Variants in NHS observed in about 807,000 individuals in gnomAD.
The protein encoded by NHS is actin remodeling regulator NHS.
In NHS, 5 loss-of-function variants were observed where a neutral mutation model predicts 72.5. The ratio of observed to expected loss-of-function variants is 0.07; its 90% confidence interval spans 0.04 to 0.14. The LOEUF (loss-of-function observed/expected upper bound fraction) is 0.14, where lower values mean the gene tolerates loss of function less well. Among genes scored for constraint, NHS ranks in the 10% least tolerant of loss-of-function variants. NHS has a pLI of 1.00. For missense variants in NHS, 1,072 were observed against 1,355.7 expected (o/e 0.79, Z 3.29); for synonymous variants, 464 against 547.7 (o/e 0.85, Z 2.13).
At chrX:17,573,187 C>T (rs886770694) in intron 1 of NHS, among the ~76,000 whole-genome samples, 2 of 111,166 alleles carry the variant, frequency 1.8e-5, no homozygotes, top group African/African-American at 3.3e-5. Flanking sequence ...GTGTCTTTGT[C>T]GTGTTCTCTG....
intron 1 of NHS, among the ~76,000 whole-genome samples, chrX:17,558,213 C>T (rs996219607): frequency 3.6e-5 from 4 of 111,728 alleles, no homozygotes; most frequent in East Asian, 2.8e-4. Context: ...TGATTCCTGG[C>T]GTTACAAACT....
At chrX:17,486,626 T>C (rs1017281839) in intron 1 of NHS, among the ~76,000 whole-genome samples, 1 of 111,654 alleles carries the variant, frequency 9.0e-6, no homozygotes. Context: ...CCACATCGTA[T>C]TTGCCAGCAT....
chrX:17,650,668 C>G (rs762689772), intron 1 of NHS, among the ~76,000 whole-genome samples: 1 of 112,129 alleles, frequency 8.9e-6, no homozygotes, highest in Non-Finnish European at 1.9e-5. Context: ...TTGTCTGAGG[C>G]ATAAAGTTAA....
chrX:17,376,080 A>C lies in NHS; in HGVS notation c.323A>C (p.Glu108Ala), dbSNP rs2064345091. The C allele has an allele frequency of 9.4e-7, 1 of 1,067,017 alleles. No homozygotes were observed. Among genetic ancestry groups the C allele is most frequent in the Non-Finnish European group, 1.2e-6 (1 of 834,132 alleles). 87.9% of individuals were successfully genotyped at this position (1,067,017 alleles called of 1,213,427 possible). The stretch of plus-strand genomic sequence containing the variant: ...CCGGAGGCGGCGCCCGCAGCCGGCG[A>C]GGCGTCCTCGGCGGCGGCGGCGGCG... ...GIPEAAPAAG[E>A]ASSAAAAAAV... Residue 108 changes from glutamate to alanine, a missense_variant, in exon 1 of 9, where the codon GAG becomes GCG. Glu to Ala is a moderately radical substitution (Grantham distance 107). Coordinates refer to ENST00000676302, the MANE Select transcript of NHS (RefSeq NM_001291867.2).
chrX:17,695,387 C>A (rs1305026906), intron 3 of NHS, among the ~76,000 whole-genome samples: 1 of 111,852 alleles, frequency 8.9e-6, no homozygotes, highest in Non-Finnish European at 1.9e-5. Flanking sequence ...AATACAATAT[C>A]AAAAATAGTG....
intron 1 of NHS, among the ~76,000 whole-genome samples, chrX:17,422,305 C>T (rs958468030): frequency 1.8e-5 from 2 of 111,992 alleles, no homozygotes; most frequent in Non-Finnish European, 3.8e-5. Context: ...TACTTAGGTT[C>T]TAAAAAAGTG....
intron 1 of NHS, among the ~76,000 whole-genome samples, chrX:17,550,821 G>T (rs1248956467): frequency 1.8e-5 from 2 of 111,767 alleles, no homozygotes; most frequent in African/African-American, 6.5e-5. Flanking sequence ...ACTCACTCAG[G>T]GTATGAGCCA....
At chrX:17,506,867 C>G (rs1156804393) in intron 1 of NHS, among the ~76,000 whole-genome samples, 2 of 111,751 alleles carry the variant, frequency 1.8e-5, no homozygotes, top group African/African-American at 6.5e-5. Flanking sequence ...GTAGATGTAG[C>G]TACTTAATCC....
chrX:17,721,321 T>C, intron 4 of NHS, 120 bp from the exon 5 acceptor site: 1 of 633,661 alleles, frequency 1.6e-6, no homozygotes, highest in Non-Finnish European at 2.6e-6. Flanking sequence ...CTAGGAATTC[T>C]TCCTTTGTCC....
intron 3 of NHS, among the ~76,000 whole-genome samples, chrX:17,713,839 A>G (rs1487164259): frequency 8.9e-6 from 1 of 112,028 alleles, no homozygotes; most frequent in Admixed American, 9.5e-5. Flanking sequence ...TATACCAAAG[A>G]CATTTATTTG....
chrX:17,627,348 C>G (rs1432472182), intron 1 of NHS, among the ~76,000 whole-genome samples: 1 of 112,316 alleles, frequency 8.9e-6, no homozygotes, highest in Admixed American at 9.5e-5. Flanking sequence ...TTTTCCTGGG[C>G]TCCTTGTTGA....
Position 17,376,255 on chromosome X carries a change from G to A in NHS, c.498G>A (p.Ala166=). The stretch of plus-strand genomic sequence containing the variant: ...AGCTCACCCACCGCCGCGTCTGGGC[G>A]CTGCAGGGCAAGCTCGGCGGCGTGC... The part of the protein sequence containing the change: ...DIQLTHRRVW[A]LQGKLGGVQR... The change falls in exon 1 of 9, where the codon GCG becomes GCA. Residue 166 remains alanine (A), a synonymous_variant. Transcript: ENST00000676302. The A allele has an allele frequency of 1.7e-6, 2 of 1,173,267 alleles. No homozygotes were observed. The highest frequency in any genetic ancestry group is 1.1e-6 in the Non-Finnish European group (1 of 881,407).
At chrX:17,642,800 C>T (rs969894570) in intron 1 of NHS, among the ~76,000 whole-genome samples, 8 of 112,337 alleles carry the variant, frequency 7.1e-5, no homozygotes, top group Admixed American at 2.8e-4. Context: ...ATATTCACTC[C>T]GGTTATTTTG....
At chrX:17,700,572 C>T (rs1193683668) in intron 3 of NHS, among the ~76,000 whole-genome samples, 2 of 112,221 alleles carry the variant, frequency 1.8e-5, no homozygotes, top group Admixed American at 1.9e-4. Context: ...AACAAGCACT[C>T]TCATACATTG....
chrX:17,451,897 A>G (rs1601712793), intron 1 of NHS, among the ~76,000 whole-genome samples: 2 of 111,753 alleles, frequency 1.8e-5, no homozygotes, highest in East Asian at 5.6e-4. Context: ...TTTTCCTCTT[A>G]ATTGCTGTGG....
chrX:17,389,650 G>A (rs2064431479), intron 1 of NHS, among the ~76,000 whole-genome samples: 1 of 109,049 alleles, frequency 9.2e-6, no homozygotes, highest in African/African-American at 3.4e-5. Flanking sequence ...CATCCAGGCT[G>A]GAGTACAGTG....
intron 1 of NHS, among the ~76,000 whole-genome samples, chrX:17,436,612 T>TA (rs758191311): frequency 0.054 from 4,645 of 85,736 alleles, 334 homozygotes; most frequent in African/African-American, 0.18. Flanking sequence ...ATATTTAGGC[T>TA]AAAAAAAAAA....
chrX:17,539,133 G>C (rs771812254), intron 1 of NHS, among the ~76,000 whole-genome samples: 1 of 111,937 alleles, frequency 8.9e-6, no homozygotes, highest in East Asian at 2.9e-4. Context: ...CATATATGCA[G>C]GGTCTTCCTT....
intron 1 of NHS, among the ~76,000 whole-genome samples, chrX:17,400,149 T>A (rs1364409778): frequency 8.9e-6 from 1 of 112,073 alleles, no homozygotes; most frequent in Non-Finnish European, 1.9e-5. Context: ...TGACATAATC[T>A]TGTATGTAGA....
Sources: gnomAD v4.1 joint callset for allele counts (sites outside exome capture counted in the v4.1 genomes callset) on GRCh38, gnomAD v4.1.1 for gene constraint, MANE v1.5 for transcripts, NCBI Gene and HGNC (gene_info 2026-07-23, HGNC 2026-07-21) for gene names.